Variants in TSPEAR observed in about 807,000 individuals in gnomAD.
TSPEAR encodes thrombospondin-type laminin G domain and EAR repeat-containing protein.
In TSPEAR, 69 loss-of-function variants were observed where a neutral mutation model predicts 71.6. That is an observed-to-expected ratio of 0.96 (90% CI 0.79 to 1.18). The LOEUF is 1.18. Among genes scored for constraint, TSPEAR ranks in the 50% most tolerant of loss-of-function variants. The probability of loss-of-function intolerance (pLI) is 0.00; values close to 1 mark genes in which losing one functional copy is unlikely to be tolerated. For synonymous variants in TSPEAR, 402 were observed against 387.2 expected, an observed-to-expected ratio of 1.04 and a Z score of -0.45; for missense variants, 971 against 894.9, an observed-to-expected ratio of 1.09 and a Z score of -1.09.
At chr21:44,586,352 A>T (rs587752021) in intron 1 of TSPEAR, among the ~76,000 whole-genome samples, 136 of 152,298 alleles carry the variant, frequency 8.9e-4, no homozygotes, top group Non-Finnish European at 1.7e-3. Context: ...TGCAGATGGC[A>T]TGCCTGTTTT....
chr21:44,649,935 A>T (rs1253456203), intron 1 of TSPEAR, among the ~76,000 whole-genome samples: 1 of 152,132 alleles, frequency 6.6e-6, no homozygotes, highest in African/African-American at 2.4e-5. Context: ...TTAAAAAAAG[A>T]CATGTTGGTC....
rs587686287 is a variant in TSPEAR, at chr21:44,518,227, T to C, written c.1566+3656A>G. The C allele has an allele frequency of 1.4e-3, 597 of 437,186 alleles. 3 individuals are homozygous for C. The highest frequency in any genetic ancestry group is 2.3e-3 in the Non-Finnish European group (503 of 216,514). 27.1% of individuals were successfully genotyped at this position (437,186 alleles called of 1,614,324 possible). Reference sequence around the variant, plus strand: ...TGTTTCTAGAGCTAGCTCAGTTTCTTTCAGCCTTTTTCTTTAGCCTGACTC... The same window carrying C: ...TGTTTCTAGAGCTAGCTCAGTTTCTCTCAGCCTTTTTCTTTAGCCTGACTC... On this transcript the variant is annotated intron_variant, in intron 9 of 11. Transcript: ENST00000323084.
At chr21:44,529,528 G>A (rs1233922637) in intron 5 of TSPEAR, among the ~76,000 whole-genome samples, 9 of 152,176 alleles carry the variant, frequency 5.9e-5, no homozygotes, top group Admixed American at 5.2e-4. Context: ...TTTTCTGCCT[G>A]GGGTCCCCAG....
intron 1 of TSPEAR, among the ~76,000 whole-genome samples, chr21:44,578,670 C>T (rs1180757610): frequency 6.6e-6 from 1 of 152,150 alleles, no homozygotes; most frequent in Non-Finnish European, 1.5e-5. Flanking sequence ...CCTGAGATGG[C>T]CTTGCAGGGA....
At chr21:44,653,494 T>C (rs1262112116) in intron 1 of TSPEAR, among the ~76,000 whole-genome samples, 1 of 152,220 alleles carries the variant, frequency 6.6e-6, no homozygotes, top group Admixed American at 6.5e-5. Context: ...TCGGTAAAAC[T>C]TCTGAGTAAA....
Position 44,563,697 on chromosome 21 carries a change from C to T in TSPEAR, c.303+4088G>A, listed in dbSNP as rs115838651. Among the ~76,000 whole-genome samples, 1,387 of 152,200 alleles carry T rather than the reference C, an allele frequency of 9.1e-3. 20 individuals carry two copies. Among genetic ancestry groups the T allele is most frequent in the African/African-American group, 0.032 (1,311 of 41,538 alleles). ...TGATTTTCATTGTTAGTAGTAATTA[C>T]ATAAAGTCATTGCAAATACTGAATT... On this transcript the variant is annotated intron_variant, in intron 2 of 11. Coordinates refer to ENST00000323084, the MANE Select transcript of TSPEAR (RefSeq NM_144991.3).
intron 1 of TSPEAR, among the ~76,000 whole-genome samples, chr21:44,655,234 C>T (rs1430263104): frequency 1.7e-5 from 1 of 60,590 alleles, no homozygotes; most frequent in Non-Finnish European, 2.9e-5. Flanking sequence ...ACAATGGGTG[C>T]GTGTCTGCAC....
At chr21:44,572,991 C>G (rs1978289502) in intron 1 of TSPEAR, among the ~76,000 whole-genome samples, 1 of 151,948 alleles carries the variant, frequency 6.6e-6, no homozygotes, top group African/African-American at 2.4e-5. Flanking sequence ...CGGGGTGAGA[C>G]AGTGCCCCTC....
chr21:44,677,781 T>C, intron 1 of TSPEAR: 2 of 1,321,098 alleles, frequency 1.5e-6, no homozygotes, highest in Non-Finnish European at 2.2e-6. Flanking sequence ...CTGAGTTGAT[T>C]TCTTTGGCAA....
Position 44,675,039 on chromosome 21 carries a change from A to C in TSPEAR, c.82+36394T>G, listed in dbSNP as rs143443032. On this transcript the variant is annotated intron_variant, in intron 1 of 11. Transcript: ENST00000323084. ...TAATTCTCCTCAAATTGTTCCAAAA[A>C]ATTGAAGAGGAGGGAACTCTTCTTA... is the stretch of plus-strand genomic sequence containing the variant. Among the ~76,000 whole-genome samples, 27 of 152,220 alleles carry C rather than the reference A, an allele frequency of 1.8e-4. No individual in the cohort carries two copies. The East Asian group carries it at 5.2e-3, about 29-fold the overall frequency.
chr21:44,510,452 C>T (rs782197524), intron 9 of TSPEAR, among the ~76,000 whole-genome samples: 4 of 152,358 alleles, frequency 2.6e-5, no homozygotes, highest in South Asian at 2.1e-4. Context: ...TTGCCCAAAT[C>T]GACCAGCAAG....
In TSPEAR at chr21:44,647,295, C is replaced by T. The variant is rs781956399; in HGVS notation, c.82+64138G>A. The T allele has an allele frequency of 2.5e-6, 4 of 1,612,874 alleles. No homozygotes were observed. The South Asian group carries it at 3.3e-5, about 13-fold the overall frequency. ...CCTCCTGCGTGTCCCTCCTCTGCCG[C>T]CCCGCAAGCTCCCGCCTGGCCTGCT... On this transcript the variant is annotated intron_variant, in intron 1 of 11. Coordinates refer to ENST00000323084, the MANE Select transcript of TSPEAR (RefSeq NM_144991.3).
At chr21:44,559,738 G>A (rs1171351679) in intron 2 of TSPEAR, among the ~76,000 whole-genome samples, 3 of 152,122 alleles carry the variant, frequency 2.0e-5, no homozygotes, top group African/African-American at 7.2e-5. Context: ...ATACCTGTGC[G>A]CTAGTAAGCC....
At chr21:44,641,019 C>A (rs1242538096) in intron 1 of TSPEAR, among the ~76,000 whole-genome samples, 3 of 152,130 alleles carry the variant, frequency 2.0e-5, no homozygotes, top group Non-Finnish European at 4.4e-5. Context: ...ACTGGAGCCC[C>A]CATGTCCAAT....
chr21:44,541,504 C>T (rs186177960), intron 2 of TSPEAR, among the ~76,000 whole-genome samples: 14 of 152,240 alleles, frequency 9.2e-5, no homozygotes, highest in African/African-American at 2.2e-4. Context: ...TGAGTGAATC[C>T]GCATTAGAGA....
At chr21:44,646,422 T>TCAC (rs1984366249) in intron 1 of TSPEAR, 11 of 1,579,866 alleles carry the variant, frequency 7.0e-6, no homozygotes, top group South Asian at 1.2e-5. Flanking sequence ...ACACACTCAC[T>TCAC]TACACCTCCC....
rs550023720 is a variant in TSPEAR, at chr21:44,694,050, A to G, written c.82+17383T>C. On this transcript the variant is annotated intron_variant, in intron 1 of 11. Coordinates refer to ENST00000323084, the MANE Select transcript of TSPEAR (RefSeq NM_144991.3). ...AACATAAGGATAGACACAAAAAGCA[A>G]TCAAATCTAAGAGTCCGGAAATAAA... 2.6e-5 allele frequency among the ~76,000 whole-genome samples: 4 copies of G among 152,348 alleles called. No homozygotes were observed. The South Asian group carries it at 8.3e-4, about 32-fold the overall frequency.
chr21:44,516,238 T>G lies in TSPEAR; in HGVS notation c.1566+5645A>C, dbSNP rs1260986792. 3 of 152,384 alleles carry G rather than the reference T, an allele frequency of 2.0e-5. No individual in the cohort carries two copies. The East Asian group carries it at 5.8e-4, about 29-fold the overall frequency. 9.4% of individuals were successfully genotyped at this position (152,384 alleles called of 1,614,324 possible). On this transcript the variant is annotated intron_variant, in intron 9 of 11. Coordinates refer to ENST00000323084, the MANE Select transcript of TSPEAR (RefSeq NM_144991.3). ...TTCCAGGGCTTTCAGAATGAGGCTG[T>G]CAGGAGTGAAGGGAGCTGTGCTCCA...
chr21:44,550,809 G>C (rs1555918537), intron 2 of TSPEAR: 1 of 1,534,854 alleles, frequency 6.5e-7, no homozygotes, highest in Non-Finnish European at 8.9e-7. Flanking sequence ...GCAGCAAGCT[G>C]GCTGGCAGCT....
Sources: gnomAD v4.1 joint callset for allele counts (sites outside exome capture counted in the v4.1 genomes callset) on GRCh38, gnomAD v4.1.1 for gene constraint, MANE v1.5 for transcripts, NCBI Gene and HGNC (gene_info 2026-07-23, HGNC 2026-07-21) for gene names.